CPA5: variants seen among roughly 807,000 people sequenced by gnomAD.
The protein encoded by CPA5 is testicular tissue protein Li 32.
Under a neutral mutation model 52.2 loss-of-function variants are expected in CPA5, and 38 were observed. The ratio of observed to expected loss-of-function variants is 0.73; its 90% CI spans 0.56 to 0.95. The LOEUF is 0.95. CPA5 is among the 40% of genes least tolerant of loss of function. The probability of loss-of-function intolerance (pLI) is 0.00; values close to 1 mark genes in which losing one functional copy is unlikely to be tolerated. For synonymous variants in CPA5, 198 were observed against 213.7 expected (o/e 0.93, Z 0.64); for missense variants, 519 against 566.7 (o/e 0.92, Z 0.86).
At chr7:130,347,898 A>G in intron 4 of CPA5, 51 bp downstream of exon 4, 1 of 1,450,790 alleles carries the variant, frequency 6.9e-7, no homozygotes, top group Non-Finnish European at 9.6e-7. Context: ...TCAGTGGCTC[A>G]CACATTTAGC....
rs114173629 is a variant in CPA5, at chr7:130,365,464, T to A, written c.839-1908T>A. On this transcript the variant is annotated intron_variant, in intron 10 of 12. Coordinates refer to ENST00000474905, the MANE Select transcript of CPA5 (RefSeq NM_080385.5). ...GCCCAGAGGGGGCAAAAAGCTCCCA[T>A]AATCCCACCACTCAAAGATCACTGC... Among the ~76,000 whole-genome samples, 305 of 152,364 alleles carry A rather than the reference T, an allele frequency of 2.0e-3. 1 individual carries two copies. The highest frequency in any genetic ancestry group is 7.0e-3 in the African/African-American group (290 of 41,592).
At chr7:130,369,646 T>TGTGCATGTGTGTGCACGTGTGTGC (rs1416477926), downstream of CPA5, among the ~76,000 whole-genome samples, 1 of 152,120 alleles carries the variant, frequency 6.6e-6, no homozygotes, top group East Asian at 1.9e-4. Flanking sequence ...CGTGTGTGTG[T>TGTGCATGTGTGTGCACGTGTGTGC]GTGCATGTGT....
intron 7 of CPA5, among the ~76,000 whole-genome samples, 166 bp from the exon 8 acceptor site, chr7:130,362,272 G>A (rs1393332705): frequency 6.6e-6 from 1 of 152,146 alleles, no homozygotes; most frequent in Non-Finnish European, 1.5e-5. Context: ...CCTCACACGT[G>A]TGCACTTTTG....
downstream of CPA5, among the ~76,000 whole-genome samples, chr7:130,369,361 G>A (rs370476618): frequency 7.9e-5 from 12 of 152,294 alleles, no homozygotes; most frequent in South Asian, 8.3e-4. Flanking sequence ...AGGGGCACTC[G>A]TGAGATACTA....
At chr7:130,349,898 G>C (rs1362647112) in intron 4 of CPA5, 77 bp from the exon 5 acceptor site, 2 of 1,488,162 alleles carry the variant, frequency 1.3e-6, no homozygotes, top group East Asian at 4.6e-5. Context: ...AGATTCTCTG[G>C]CTCTCTGTGG....
chr7:130,366,315 G>A (rs1554408359), intron 10 of CPA5, among the ~76,000 whole-genome samples: 1 of 152,118 alleles, frequency 6.6e-6, no homozygotes. Flanking sequence ...ATCTCTGGAC[G>A]GTGCCAACAT....
At chr7:130,369,652 T>C (rs1486565048), downstream of CPA5, among the ~76,000 whole-genome samples, 1 of 151,954 alleles carries the variant, frequency 6.6e-6, no homozygotes, top group Non-Finnish European at 1.5e-5. Flanking sequence ...TGTGTGTGCA[T>C]GTGTGTGCAC....
At chr7:130,358,959 G>A (rs1486865677) in intron 5 of CPA5, among the ~76,000 whole-genome samples, 1 of 152,214 alleles carries the variant, frequency 6.6e-6, no homozygotes, top group Non-Finnish European at 1.5e-5. Flanking sequence ...GGAGATAAGT[G>A]AAAGACCATT....
Position 130,359,537 on chromosome 7 carries a change from T to G in CPA5, c.334-52T>G. The G allele has an allele frequency of 4.3e-6, 6 of 1,379,408 alleles. No homozygotes were observed. In the South Asian group the frequency reaches 6.3e-5, roughly 15 times the overall value. The allele number at this position is 1,379,408 out of a possible 1,614,324, so 85.4% of individuals were successfully genotyped here. ...GTGGAGGCAGGGCTCAGAAGAGGCA[T>G]AGCCAGCCCAGCTCTCCCCTTCCTT... On this transcript the variant is annotated intron_variant, in intron 5 of 12. Transcript: ENST00000474905.
Position 130,367,458 on chromosome 7 carries a change from TTCA to T in CPA5, c.929_931del (p.Ile310del). The T allele has an allele frequency of 6.2e-7, 1 of 1,614,140 alleles. No individual in the cohort carries two copies. Among genetic ancestry groups the T allele is most frequent in the African/African-American group, 1.3e-5 (1 of 75,048 alleles). On this transcript the variant is annotated inframe_deletion, in exon 11 of 13. Transcript: ENST00000474905. ...GCCGGAGGTGGCTGCCATAGTGAAC[TTCA>T]TCACAGCCCATGGCAACTTCAAGGC...
chr7:130,368,512 C>T lies in CPA5; in HGVS notation c.1226C>T (p.Pro409Leu), dbSNP rs782389506. Reference sequence around the variant, plus strand: ...ACTGGGCAGTATGGCTTCCTGCTGCCGGCCACACAGATCATCCCCACGGCC... The same window carrying T: ...ACTGGGCAGTATGGCTTCCTGCTGCTGGCCACACAGATCATCCCCACGGCC... ...RDTGQYGFLL[P>L]ATQIIPTAQE... The change falls in exon 13 of 13, where the codon CCG becomes CTG. Residue 409 changes from proline (P) to leucine (L), a missense_variant. Coordinates refer to ENST00000474905, the MANE Select transcript of CPA5 (RefSeq NM_080385.5). 18 of 1,614,024 alleles carry T rather than the reference C, an allele frequency of 1.1e-5. No homozygotes were observed. The highest frequency in any genetic ancestry group is 4.5e-5 in the East Asian group (2 of 44,894).
intron 5 of CPA5, among the ~76,000 whole-genome samples, chr7:130,354,147 T>C (rs1795340054): frequency 6.6e-6 from 1 of 152,076 alleles, no homozygotes; most frequent in Non-Finnish European, 1.5e-5. Context: ...AGGCTGCTCT[T>C]GAACTCCTGG....
intron 5 of CPA5, 30 bp from the exon 6 acceptor site, chr7:130,359,559 C>T: frequency 6.6e-7 from 1 of 1,525,574 alleles, no homozygotes; most frequent in South Asian, 1.2e-5. Context: ...CTCTCCCCTT[C>T]CTTTCCAATA....
chr7:130,362,978 C>T lies in CPA5; in HGVS notation c.731C>T (p.Ala244Val), dbSNP rs1795876631. The change falls in exon 9 of 13, where the codon GCT becomes GTT. Residue 244 changes from alanine (A) to valine (V), a missense_variant. Transcript: ENST00000474905. ...CTCGTCACAAACCCTGATGGGTTTG[C>T]TTTTACCCACAGCATGGTGAGGGAA... ...IELVTNPDGF[A>V]FTHSMNRLWR... 2 of 1,606,064 alleles carry T rather than the reference C, an allele frequency of 1.2e-6. No homozygotes were observed. Among genetic ancestry groups the T allele is most frequent in the African/African-American group, 2.7e-5 (2 of 74,768 alleles).
chr7:130,356,713 G>A (rs1795494383), intron 5 of CPA5, among the ~76,000 whole-genome samples: 1 of 152,222 alleles, frequency 6.6e-6, no homozygotes, highest in South Asian at 2.1e-4. Context: ...AGCCTCCTGG[G>A]TCCTGTCTTC....
At position 130,363,416 on chromosome 7, in the gene CPA5, C is replaced by T. The variant is rs782165056; in HGVS notation, c.748-3C>T. The T allele has an allele frequency of 6.4e-7, 1 of 1,564,212 alleles. No individual in the cohort carries two copies. Among genetic ancestry groups the T allele is most frequent in the East Asian group, 2.3e-5 (1 of 43,114 alleles). On this transcript the variant is annotated splice_region_variant and splice_polypyrimidine_tract_variant and intron_variant, in intron 9 of 12. Coordinates refer to ENST00000474905, the MANE Select transcript of CPA5 (RefSeq NM_080385.5). ...TGAGGTCACCTGTCCTGGGCTTTCC[C>T]AGAACCGCTTATGGCGGAAGAACAA... is the stretch of plus-strand genomic sequence containing the variant.
rs151011056 is a variant in CPA5, at chr7:130,368,594, C to G, written c.1308C>G (p.Tyr436Ter). ...TGGAGCACACCCTGAATCACCCCTA[C>G]TAGCAGCACGACTGAGGGCAGGAGG... is the stretch of plus-strand genomic sequence containing the variant. Reference protein sequence around the residue: ...TIMEHTLNHPY With the variant: ...TIMEHTLNHP The change falls in exon 13 of 13, where the codon TAC becomes TAG. Residue 436 changes from tyrosine (Y) to a stop codon, truncating the protein, a stop_gained. Transcript: ENST00000474905. LOFTEE classifies it high-confidence loss of function. 4.3e-6 allele frequency: 7 copies of G among 1,613,926 alleles called. No individual in the cohort carries two copies. In the African/African-American group the frequency reaches 9.3e-5, roughly 22 times the overall value.
intron 5 of CPA5, among the ~76,000 whole-genome samples, chr7:130,357,500 G>A (rs1487265878): frequency 2.6e-5 from 4 of 152,058 alleles, no homozygotes; most frequent in African/African-American, 9.7e-5. Context: ...GTGCATACCT[G>A]TAATCCCAGC....
the CPA5 span, among the ~76,000 whole-genome samples, chr7:130,374,572 A>G: frequency 6.6e-6 from 1 of 152,180 alleles, no homozygotes; most frequent in Non-Finnish European, 1.5e-5. Context: ...GGAACATACA[A>G]TATAGAAAAT....
Sources: gnomAD v4.1 joint callset for allele counts (sites outside exome capture counted in the v4.1 genomes callset) on GRCh38, gnomAD v4.1.1 for gene constraint, MANE v1.5 for transcripts, NCBI Gene and HGNC (gene_info 2026-07-23, HGNC 2026-07-21) for gene names.